KALRN: variants seen among roughly 807,000 people sequenced by gnomAD.
The protein encoded by KALRN is kalirin.
KALRN carries 70 observed loss-of-function variants against 353.7 expected under a neutral mutation model. The ratio of observed to expected loss-of-function variants is 0.20; its 90% CI spans 0.16 to 0.24. The LOEUF is 0.24. KALRN is among the 10% of genes least tolerant of loss of function. KALRN has a pLI of 1.00. For synonymous variants in KALRN, 1,391 were observed against 1,434.8 expected, an observed-to-expected ratio of 0.97 and a Z score of 0.69; for missense variants, 2,791 against 3,756.7, an observed-to-expected ratio of 0.74 and a Z score of 6.72.
At chr3:124,637,332 TG>T in intron 37 of KALRN, 29 bp downstream of exon 37, 1 of 1,508,628 alleles carries the variant, frequency 6.6e-7, no homozygotes. Flanking sequence ...GGCAGTTCTG[TG>T]TGTGTCTCAC....
chr3:124,482,706 C>T, intron 27 of KALRN, 102 bp from the exon 28 acceptor site: 25 of 765,758 alleles, frequency 3.3e-5, no homozygotes, highest in Admixed American at 2.4e-4. Flanking sequence ...CTACCTTTTT[C>T]TCTTTCTTCC....
At chr3:124,181,308 A>G (rs150150848) in intron 1 of KALRN, among the ~76,000 whole-genome samples, 94 of 152,240 alleles carry the variant, frequency 6.2e-4, no homozygotes, top group African/African-American at 2.1e-3. Flanking sequence ...GACCCAAAAT[A>G]ACTCATATCA....
At chr3:124,253,856 G>A (rs1341040817) in intron 3 of KALRN, among the ~76,000 whole-genome samples, 1 of 152,192 alleles carries the variant, frequency 6.6e-6, no homozygotes, top group East Asian at 1.9e-4. Context: ...CACTAAGGAG[G>A]TAAGCAGAAA....
intron 21 of KALRN, among the ~76,000 whole-genome samples, chr3:124,454,642 G>A (rs6769086): frequency 0.99 from 151,263 of 152,286 alleles, 75,132 homozygotes; most frequent in East Asian, 1. Flanking sequence ...TGTCGCATCC[G>A]TGGATTCAAC....
chr3:124,719,591 GTA>G lies in KALRN; in HGVS notation c.*122_*123del. The G allele has an allele frequency of 1.0e-6, 1 of 1,004,696 alleles. No homozygotes were observed. Among genetic ancestry groups the G allele is most frequent in the Non-Finnish European group, 1.4e-6 (1 of 692,732 alleles). The allele number at this position is 1,004,696 out of a possible 1,614,324, so 62.2% of individuals were successfully genotyped here. Reference sequence around the variant, plus strand: ...CGTGCAGTTCTCTGAATTGAGAGATGTACCTCTTAAACCTCGTCAGTGGTTAT... The same window carrying G: ...CGTGCAGTTCTCTGAATTGAGAGATGCCTCTTAAACCTCGTCAGTGGTTAT... On this transcript the variant is annotated 3_prime_UTR_variant, in exon 60 of 60. Transcript: ENST00000682506. The surrounding 1 kb of genome is among the most constrained non-coding windows in gnomAD (Gnocchi z 5.3).
chr3:124,429,660 T>C (rs976755154), intron 15 of KALRN, among the ~76,000 whole-genome samples: 5 of 152,324 alleles, frequency 3.3e-5, no homozygotes, highest in African/African-American at 9.6e-5. Context: ...CATCCCCATT[T>C]CACCTAGAAC....
At chr3:124,059,613 G>A (rs1313867217) in intron 1 of KALRN, among the ~76,000 whole-genome samples, 6 of 152,172 alleles carry the variant, frequency 3.9e-5, no homozygotes, top group Non-Finnish European at 2.9e-5. Context: ...ACTTACTAAT[G>A]AGATGTGTGT....
chr3:124,673,094 A>G (rs1242232669), intron 48 of KALRN, among the ~76,000 whole-genome samples: 1 of 152,120 alleles, frequency 6.6e-6, no homozygotes, highest in African/African-American at 2.4e-5. Context: ...CATTTTGTCA[A>G]ACATATCGGG....
At chr3:124,676,958 C>T (rs1159011888) in intron 49 of KALRN, among the ~76,000 whole-genome samples, 1 of 152,200 alleles carries the variant, frequency 6.6e-6, no homozygotes, top group African/African-American at 2.4e-5. Flanking sequence ...AAGAATATTA[C>T]TGTGATTGCT....
intron 5 of KALRN, among the ~76,000 whole-genome samples, chr3:124,291,461 T>C (rs1383543319): frequency 6.6e-6 from 1 of 152,164 alleles, no homozygotes; most frequent in African/African-American, 2.4e-5. Context: ...AAGCTGAACT[T>C]GGATGTTAAC....
At chr3:124,623,401 C>T (rs1245312063) in intron 34 of KALRN, among the ~76,000 whole-genome samples, 4 of 80,974 alleles carry the variant, frequency 4.9e-5, no homozygotes, top group Admixed American at 1.1e-4. Context: ...TTTATTTATA[C>T]ACACACACAC....
intron 6 of KALRN, among the ~76,000 whole-genome samples, chr3:124,304,612 T>C (rs1425305771): frequency 6.6e-6 from 1 of 152,182 alleles, no homozygotes; most frequent in Non-Finnish European, 1.5e-5. Context: ...GCATTTAAAG[T>C]ATCGGAAATG....
intron 11 of KALRN, among the ~76,000 whole-genome samples, chr3:124,390,699 A>G (rs929627784): frequency 2.0e-5 from 3 of 152,136 alleles, no homozygotes; most frequent in Admixed American, 6.5e-5. Flanking sequence ...TGATATCATT[A>G]TTGTTAATCA....
intron 10 of KALRN, among the ~76,000 whole-genome samples, chr3:124,368,399 A>G (rs1437371581): frequency 1.4e-5 from 2 of 144,810 alleles, no homozygotes; most frequent in African/African-American, 5.2e-5. Context: ...GCGGCCGGGC[A>G]GAGGCGCTCC....
chr3:124,658,810 T>G (rs1041950959), intron 42 of KALRN, among the ~76,000 whole-genome samples: 1 of 152,192 alleles, frequency 6.6e-6, no homozygotes, highest in Admixed American at 6.5e-5. Context: ...CAGTTCTTCT[T>G]AAGTGACCCT....
At chr3:124,169,617 C>T (rs1490040337) in intron 1 of KALRN, among the ~76,000 whole-genome samples, 2 of 152,020 alleles carry the variant, frequency 1.3e-5, no homozygotes, top group Non-Finnish European at 2.9e-5. Flanking sequence ...GCCTCATGTC[C>T]AGTGAAATGT....
In KALRN at chr3:124,661,837, G is replaced by A. The variant is rs766746761; in HGVS notation, c.6268-14G>A. The A allele has an allele frequency of 9.3e-6, 15 of 1,611,068 alleles. No individual in the cohort carries two copies. ...CTGTTCCCCCTCCTGAGTAACAGTT[G>A]TTCTTTCCCACAGAAAGCAGTGGAG... On this transcript the variant is annotated splice_polypyrimidine_tract_variant and intron_variant, in intron 44 of 59. Coordinates refer to ENST00000682506, the MANE Select transcript of KALRN (RefSeq NM_001388419.1).
intron 1 of KALRN, among the ~76,000 whole-genome samples, chr3:124,049,462 A>G (rs1577565219): frequency 6.6e-6 from 1 of 152,344 alleles, no homozygotes; most frequent in South Asian, 2.1e-4. Flanking sequence ...TAGGAATAGT[A>G]TGAGATAAAG....
At chr3:124,527,212 T>C (rs2067663324) in intron 33 of KALRN, among the ~76,000 whole-genome samples, 1 of 152,112 alleles carries the variant, frequency 6.6e-6, no homozygotes. Flanking sequence ...TCAAGGCAGA[T>C]AGTAGTAATG....
Sources: allele counts gnomAD v4.1 joint callset (sites outside exome capture counted in the v4.1 genomes callset), GRCh38; gene constraint gnomAD v4.1.1; non-coding constraint Gnocchi (gnomAD v3.1); transcripts MANE v1.5; gene names NCBI Gene and HGNC (gene_info 2026-07-23, HGNC 2026-07-21).